UBE2R2: variants seen among roughly 807,000 people sequenced by gnomAD.
The protein encoded by UBE2R2 is ubiquitin conjugating enzyme E2 R2, also known as ubiquitin-conjugating enzyme E2 R2.
A neutral mutation model predicts 27.8 loss-of-function variants in UBE2R2; 1 was observed. The ratio of observed to expected loss-of-function variants is 0.04; its 90% CI spans 0.01 to 0.17. The LOEUF (loss-of-function observed/expected upper bound fraction) is 0.17. Among genes scored for constraint, UBE2R2 ranks in the 10% least tolerant of loss-of-function variants. The pLI is 1.00. For missense variants in UBE2R2, 100 were observed against 291.0 expected (o/e 0.34, Z 4.78); for synonymous variants, 106 against 113.3 (o/e 0.94, Z 0.41).
intron 1 of UBE2R2, among the ~76,000 whole-genome samples, chr9:33,843,269 G>A (rs965182118): frequency 6.6e-6 from 1 of 151,244 alleles, no homozygotes; most frequent in Non-Finnish European, 1.5e-5. Flanking sequence ...GGCTGGTCTC[G>A]AACTCCTAAC....
At chr9:33,854,717 A>ATTTTTTTT (rs60300328) in intron 1 of UBE2R2, among the ~76,000 whole-genome samples, 2 of 138,658 alleles carry the variant, frequency 1.4e-5, no homozygotes, top group African/African-American at 2.7e-5. Flanking sequence ...TGCAAGTGCA[A>ATTTTTTTT]TTTTTTTTTT....
At chr9:33,911,420 A>C (rs1391383450) in intron 3 of UBE2R2, among the ~76,000 whole-genome samples, 5 of 148,344 alleles carry the variant, frequency 3.4e-5, no homozygotes, top group Non-Finnish European at 3.0e-5. Context: ...AAAAAAAAAA[A>C]AAAAAAAAAA....
At chr9:33,908,849 A>T (rs1029461538) in intron 3 of UBE2R2, among the ~76,000 whole-genome samples, 9 of 152,246 alleles carry the variant, frequency 5.9e-5, no homozygotes, top group Admixed American at 4.6e-4. Flanking sequence ...ATTAAATACT[A>T]GTCTGGCACA....
intron 1 of UBE2R2, among the ~76,000 whole-genome samples, chr9:33,881,443 A>G (rs1361709970): frequency 6.6e-6 from 1 of 152,174 alleles, no homozygotes; most frequent in Non-Finnish European, 1.5e-5. Context: ...AAGAATCCCC[A>G]TACTCATTAG....
At chr9:33,835,711 G>A (rs991713453) in intron 1 of UBE2R2, among the ~76,000 whole-genome samples, 4 of 150,268 alleles carry the variant, frequency 2.7e-5, no homozygotes, top group South Asian at 2.1e-4. Flanking sequence ...GGGAGATCCC[G>A]TTTCTACAAA....
chr9:33,897,974 C>A (rs1308244402), intron 2 of UBE2R2, among the ~76,000 whole-genome samples: 1 of 151,458 alleles, frequency 6.6e-6, no homozygotes, highest in African/African-American at 2.4e-5. Flanking sequence ...GGGTTTTCTC[C>A]ATGTTAGTCA....
rs557191105 is a variant in UBE2R2 at position 33,832,669 on chromosome 9, AAAAG to A, written c.177+14751_177+14754del. On this transcript the variant is annotated intron_variant, in intron 1 of 4. Coordinates refer to ENST00000263228, the MANE Select transcript of UBE2R2 (RefSeq NM_017811.4). ...AGTGAGACTCCGTCTAAAAAAAAAA[AAAAG>A]AAAGAAAGAAAGAAATTATTTAATA... Among the ~76,000 whole-genome samples the A allele has an allele frequency of 4.6e-3, 704 of 152,004 alleles. 9 individuals carry two copies. Among genetic ancestry groups the A allele is most frequent in the African/African-American group, 0.013 (555 of 41,466 alleles).
chr9:33,888,179 T>C (rs1320293013), intron 2 of UBE2R2, among the ~76,000 whole-genome samples: 1 of 152,200 alleles, frequency 6.6e-6, no homozygotes, highest in Non-Finnish European at 1.5e-5. Flanking sequence ...TCAAGAACAA[T>C]GTGTAATCTG....
At chr9:33,908,620 G>A (rs1361589634) in intron 3 of UBE2R2, among the ~76,000 whole-genome samples, 3 of 152,104 alleles carry the variant, frequency 2.0e-5, no homozygotes, top group East Asian at 1.9e-4. Context: ...GGAGGACATG[G>A]AATTAGAATT....
At chr9:33,839,997 TAA>T (rs58097090) in intron 1 of UBE2R2, among the ~76,000 whole-genome samples, 1 of 148,084 alleles carries the variant, frequency 6.8e-6, no homozygotes, top group African/African-American at 2.5e-5. Flanking sequence ...CCCTGACTCT[TAA>T]AAAAAAAAAA....
At chr9:33,873,567 T>TTAA (rs1167049203) in intron 1 of UBE2R2, among the ~76,000 whole-genome samples, 1 of 152,198 alleles carries the variant, frequency 6.6e-6, no homozygotes, top group African/African-American at 2.4e-5. Context: ...ATCAAACTTC[T>TTAA]TAAGGAAGTT....
chr9:33,894,580 T>C (rs1234722518), intron 2 of UBE2R2, among the ~76,000 whole-genome samples: 1 of 152,086 alleles, frequency 6.6e-6, no homozygotes, highest in Admixed American at 6.6e-5. Flanking sequence ...ACTACAAGTG[T>C]GTGCCACTAC....
intron 1 of UBE2R2, among the ~76,000 whole-genome samples, chr9:33,842,473 G>A (rs576434706): frequency 6.6e-5 from 10 of 152,014 alleles, no homozygotes; most frequent in Non-Finnish European, 1.5e-4. Flanking sequence ...TGGTAATGCA[G>A]GTCTCATTAA....
chr9:33,883,003 C>T (rs1489668116), intron 1 of UBE2R2, among the ~76,000 whole-genome samples: 2 of 152,040 alleles, frequency 1.3e-5, no homozygotes, highest in Non-Finnish European at 2.9e-5. Flanking sequence ...GCAGGAGAAT[C>T]GCTTGAACCC....
chr9:33,910,493 T>C, intron 3 of UBE2R2, among the ~76,000 whole-genome samples: 1 of 152,184 alleles, frequency 6.6e-6, no homozygotes, highest in East Asian at 1.9e-4. Flanking sequence ...TTATTTGGAA[T>C]GTCTAATTTT....
chr9:33,829,202 CT>C (rs1463936194), intron 1 of UBE2R2, among the ~76,000 whole-genome samples: 1 of 152,084 alleles, frequency 6.6e-6, no homozygotes, highest in African/African-American at 2.4e-5. Context: ...AAAAATGGAT[CT>C]TTAAAAAATT....
intron 2 of UBE2R2, 84 bp downstream of exon 2, chr9:33,887,051 G>T: frequency 9.1e-7 from 1 of 1,095,574 alleles, no homozygotes; most frequent in South Asian, 1.5e-5. Flanking sequence ...AGCACACTTT[G>T]ATACTTAGGC....
chr9:33,821,011 T>G (rs1227348531), intron 1 of UBE2R2, among the ~76,000 whole-genome samples: 1 of 152,028 alleles, frequency 6.6e-6, no homozygotes, highest in African/African-American at 2.4e-5. Flanking sequence ...TTCTGAATAC[T>G]ATACAATCTT....
At chr9:33,901,543 T>C (rs1822245485) in intron 3 of UBE2R2, among the ~76,000 whole-genome samples, 1 of 150,728 alleles carries the variant, frequency 6.6e-6, no homozygotes, top group African/African-American at 2.4e-5. Flanking sequence ...GATTGATCTA[T>C]TCTTCCCCTT....
Sources: gnomAD v4.1 joint callset for allele counts (sites outside exome capture counted in the v4.1 genomes callset) on GRCh38, gnomAD v4.1.1 for gene constraint, MANE v1.5 for transcripts, NCBI Gene and HGNC (gene_info 2026-07-23, HGNC 2026-07-21) for gene names.